The following RORA variants were observed in gnomAD, a reference collection of about 807,000 sequenced individuals.
RORA encodes the protein nuclear receptor ROR-alpha.
Under a neutral mutation model 69.5 loss-of-function variants are expected in RORA, and 7 were observed. The ratio of observed to expected loss-of-function variants is 0.10; its 90% CI spans 0.06 to 0.19. The LOEUF is 0.19. Ranked by LOEUF, RORA falls within the 10% of genes least tolerant of loss-of-function variation. The probability of loss-of-function intolerance (pLI) is 1.00; values close to 1 mark genes in which losing one functional copy is unlikely to be tolerated. For synonymous variants in RORA, 261 were observed against 240.8 expected (o/e 1.08, Z -0.78); for missense variants, 457 against 663.0 (o/e 0.69, Z 3.41).
At chr15:61,050,804 C>T (rs1486298728) in intron 1 of RORA, among the ~76,000 whole-genome samples, 1 of 152,130 alleles carries the variant, frequency 6.6e-6, no homozygotes, top group African/African-American at 2.4e-5. Context: ...TAATTCTTAT[C>T]ATAATGAATA....
At chr15:61,196,461 C>A (rs1248025232) in intron 1 of RORA, among the ~76,000 whole-genome samples, 1 of 152,210 alleles carries the variant, frequency 6.6e-6, no homozygotes, top group Non-Finnish European at 1.5e-5. Flanking sequence ...TTACAGGTTG[C>A]AAAGATCTAA....
intron 3 of RORA, among the ~76,000 whole-genome samples, chr15:60,520,592 G>T (rs1306279056): frequency 6.6e-6 from 1 of 152,138 alleles, no homozygotes; most frequent in Non-Finnish European, 1.5e-5. Flanking sequence ...GATTTTGTCT[G>T]ATTGGGGAGA....
At chr15:61,040,563 T>TG (rs1458918222) in intron 1 of RORA, among the ~76,000 whole-genome samples, 1 of 152,106 alleles carries the variant, frequency 6.6e-6, no homozygotes, top group Non-Finnish European at 1.5e-5. Flanking sequence ...TGATGAGTCT[T>TG]GGAGTGTGTT....
intron 1 of RORA, among the ~76,000 whole-genome samples, chr15:60,974,977 G>A (rs755667296): frequency 6.6e-6 from 1 of 152,252 alleles, no homozygotes; most frequent in Non-Finnish European, 1.5e-5. Flanking sequence ...GTGAACAAGT[G>A]TGGACCTGAA....
At chr15:60,753,200 A>G (rs1315091630) in intron 1 of RORA, among the ~76,000 whole-genome samples, 2 of 152,166 alleles carry the variant, frequency 1.3e-5, no homozygotes, top group African/African-American at 2.4e-5. Context: ...TTTAAGTCCT[A>G]CTCGCAGTTT....
intron 1 of RORA, among the ~76,000 whole-genome samples, chr15:60,991,886 A>G (rs1379248502): frequency 2.0e-5 from 3 of 150,664 alleles, no homozygotes; most frequent in African/African-American, 7.4e-5. Context: ...AGCCTGCGTG[A>G]CAGAGCGAGA....
In RORA at chr15:60,720,265, G is replaced by A. The variant is rs1032771735; in HGVS notation, c.167-41579C>T. ...CCTGAATACATGGGCTGTGATACGGGAGCTAGCCTGATGCCTCCATTCACC... is the reference window on the plus strand; with the variant it reads ...CCTGAATACATGGGCTGTGATACGGAAGCTAGCCTGATGCCTCCATTCACC... On this transcript the variant is annotated intron_variant, in intron 1 of 10. Transcript: ENST00000335670. Among the ~76,000 whole-genome samples, 9 of 152,128 alleles carry A rather than the reference G, an allele frequency of 5.9e-5. No homozygotes were observed. The South Asian group carries it at 8.3e-4, about 14-fold the overall frequency.
At chr15:61,114,952 C>T (rs148071050) in intron 1 of RORA, among the ~76,000 whole-genome samples, 136 of 152,344 alleles carry the variant, frequency 8.9e-4, no homozygotes, top group African/African-American at 3.0e-3. Flanking sequence ...TCATTTAAAA[C>T]GCTGACTAGT....
At chr15:60,874,196 T>C (rs2073589354) in intron 1 of RORA, among the ~76,000 whole-genome samples, 1 of 152,192 alleles carries the variant, frequency 6.6e-6, no homozygotes, top group Admixed American at 6.5e-5. Flanking sequence ...GTTTTGTTTT[T>C]TTAGGGGAGT....
At chr15:60,885,860 A>T (rs1008142972) in intron 1 of RORA, among the ~76,000 whole-genome samples, 2 of 152,274 alleles carry the variant, frequency 1.3e-5, no homozygotes, top group African/African-American at 4.8e-5. Flanking sequence ...TGGAATTGTT[A>T]TATGAGAAAG....
intron 1 of RORA, chr15:60,682,016 G>A (rs138443470): frequency 1.3e-5 from 2 of 152,302 alleles, no homozygotes; most frequent in African/African-American, 4.8e-5. Context: ...CTGGAGTCAA[G>A]CTGACCTGAG....
intron 1 of RORA, among the ~76,000 whole-genome samples, chr15:60,915,941 G>A (rs1891860652): frequency 6.6e-6 from 1 of 151,744 alleles, no homozygotes; most frequent in Non-Finnish European, 1.5e-5. Flanking sequence ...CACATAATAA[G>A]GGCTCCTACA....
At chr15:61,053,868 T>TA (rs1375180186) in intron 1 of RORA, among the ~76,000 whole-genome samples, 1 of 140,254 alleles carries the variant, frequency 7.1e-6, no homozygotes, top group Non-Finnish European at 1.6e-5. Context: ...TATATAAACA[T>TA]TCTTCAGGGA....
At chr15:60,636,723 G>A (rs191576347) in intron 2 of RORA, among the ~76,000 whole-genome samples, 8 of 151,996 alleles carry the variant, frequency 5.3e-5, no homozygotes, top group South Asian at 4.2e-4. Flanking sequence ...AAATATCACC[G>A]CATCATATTA....
Position 60,645,312 on chromosome 15 carries a change from G to C in RORA, c.196+33345C>G, listed in dbSNP as rs111237755. Among the ~76,000 whole-genome samples, 897 of 151,890 alleles carry C rather than the reference G, an allele frequency of 5.9e-3. 2 individuals carry two copies. The highest frequency in any genetic ancestry group is 0.018 in the African/African-American group (725 of 41,388). On this transcript the variant is annotated intron_variant, in intron 2 of 10. Coordinates refer to ENST00000335670, the MANE Select transcript of RORA (RefSeq NM_134261.3). ...GAAGATGGATGAGAGTGGCAAAAAG[G>C]ACAAAGGAGGGAGATGAAAGGGCAT...
intron 1 of RORA, among the ~76,000 whole-genome samples, chr15:60,764,382 T>C (rs2071947549): frequency 6.6e-6 from 1 of 152,142 alleles, no homozygotes. Context: ...AATAAAGGAA[T>C]GGAATAAAAT....
intron 2 of RORA, among the ~76,000 whole-genome samples, chr15:60,599,500 G>A (rs186355519): frequency 3.3e-5 from 5 of 152,322 alleles, no homozygotes; most frequent in East Asian, 1.9e-4. Flanking sequence ...GCAGTGAGCT[G>A]AGATCGTGTC....
At chr15:60,513,238 G>A (rs968783065) in intron 4 of RORA, among the ~76,000 whole-genome samples, 33 of 152,228 alleles carry the variant, frequency 2.2e-4, no homozygotes, top group Non-Finnish European at 1.2e-4. Context: ...CCAGGCTGAT[G>A]TGGGATCTGA....
chr15:60,875,480 A>G (rs1397490724), intron 1 of RORA, among the ~76,000 whole-genome samples: 1 of 152,188 alleles, frequency 6.6e-6, no homozygotes, highest in Non-Finnish European at 1.5e-5. Context: ...ATCTCGTCTG[A>G]TCACTTGCTG....
Sources: gnomAD v4.1 joint callset for allele counts (sites outside exome capture counted in the v4.1 genomes callset) on GRCh38, gnomAD v4.1.1 for gene constraint, MANE v1.5 for transcripts, NCBI Gene and HGNC (gene_info 2026-07-23, HGNC 2026-07-21) for gene names.